RALYL: variants seen among roughly 807,000 people sequenced by gnomAD.
RALYL encodes RALY RNA binding protein like, also known as RNA-binding Raly-like protein.
A neutral mutation model predicts 35.1 loss-of-function variants in RALYL; 29 were observed. The ratio of observed to expected loss-of-function variants is 0.83; its 90% confidence interval spans 0.61 to 1.13. The LOEUF (loss-of-function observed/expected upper bound fraction) is 1.13, where lower values mean the gene tolerates loss of function less well. Ranked by LOEUF, RALYL falls within the 50% of genes most tolerant of loss-of-function variation. RALYL has a pLI of 0.00. For missense variants in RALYL, 359 were observed against 360.4 expected (o/e 1.00, Z 0.03); for synonymous variants, 120 against 127.6 (o/e 0.94, Z 0.40).
chr8:84,813,727 C>CACTT (rs1450999216), intron 4 of RALYL, among the ~76,000 whole-genome samples: 2 of 152,164 alleles, frequency 1.3e-5, no homozygotes, highest in East Asian at 1.9e-4. Context: ...TAGGCTTGGA[C>CACTT]ACTTACAAGC....
At chr8:84,294,867 T>C (rs1839466951) in intron 1 of RALYL, among the ~76,000 whole-genome samples, 1 of 152,000 alleles carries the variant, frequency 6.6e-6, no homozygotes, top group Non-Finnish European at 1.5e-5. Context: ...AGGCATCTTT[T>C]ATGTTTGGCT....
At chr8:84,208,552 A>G (rs1287131010) in intron 1 of RALYL, among the ~76,000 whole-genome samples, 1 of 152,142 alleles carries the variant, frequency 6.6e-6, no homozygotes, top group Non-Finnish European at 1.5e-5. Flanking sequence ...CTTCTCAAGA[A>G]TAGAGAAACT....
chr8:84,671,872 A>G (rs1024180884), intron 2 of RALYL, among the ~76,000 whole-genome samples: 2 of 152,184 alleles, frequency 1.3e-5, no homozygotes, highest in African/African-American at 2.4e-5. Context: ...ACTCCTCATT[A>G]CTATGCAAAT....
At chr8:84,634,506 C>T (rs1387152141) in intron 2 of RALYL, among the ~76,000 whole-genome samples, 1 of 151,858 alleles carries the variant, frequency 6.6e-6, no homozygotes, top group African/African-American at 2.4e-5. Context: ...GAGTTGCTGG[C>T]ATCAAAATAC....
At chr8:84,709,037 C>A (rs149496822) in intron 2 of RALYL, among the ~76,000 whole-genome samples, 211 of 152,206 alleles carry the variant, frequency 1.4e-3, no homozygotes, top group Non-Finnish European at 2.4e-3. Flanking sequence ...GCTTATCGAC[C>A]TTATCCATAT....
intron 2 of RALYL, among the ~76,000 whole-genome samples, chr8:84,758,851 T>C (rs372910775): frequency 1.3e-3 from 202 of 152,348 alleles, no homozygotes; most frequent in African/African-American, 4.5e-3. Flanking sequence ...ATTAATTTTC[T>C]ATTGCTGTTG....
chr8:84,905,567 C>G (rs1846350037), intron 8 of RALYL, among the ~76,000 whole-genome samples: 1 of 152,088 alleles, frequency 6.6e-6, no homozygotes, highest in Admixed American at 6.6e-5. Context: ...TCCAATTTCT[C>G]CACTTATCTT....
At chr8:84,525,953 C>CTTTTTTTTTTTTTTTTTTTTTTTTTTT (rs35794329) in intron 1 of RALYL, among the ~76,000 whole-genome samples, 4 of 104,868 alleles carry the variant, frequency 3.8e-5, no homozygotes, top group African/African-American at 1.5e-4. Context: ...TTTCTTTTTT[C>CTTTTTTTTTTTTTTTTTTTTTTTTTTT]TTTTTTTTTT....
At chr8:84,346,552 T>A (rs1849873057) in intron 1 of RALYL, among the ~76,000 whole-genome samples, 1 of 152,116 alleles carries the variant, frequency 6.6e-6, no homozygotes, top group South Asian at 2.1e-4. Flanking sequence ...AATTGCAACC[T>A]TCGCCTCCTG....
At chr8:84,255,606 A>G (rs1044437400) in intron 1 of RALYL, among the ~76,000 whole-genome samples, 1 of 151,656 alleles carries the variant, frequency 6.6e-6, no homozygotes, top group Non-Finnish European at 1.5e-5. Flanking sequence ...AGAGTCTGAC[A>G]TTTTTTTTAA....
At chr8:84,876,248 C>A (rs966336031) in intron 7 of RALYL, among the ~76,000 whole-genome samples, 3 of 152,142 alleles carry the variant, frequency 2.0e-5, no homozygotes, top group Non-Finnish European at 4.4e-5. Context: ...GGTCTCAAGT[C>A]TTTCAAATGT....
intron 3 of RALYL, among the ~76,000 whole-genome samples, chr8:84,788,177 T>C (rs1489153849): frequency 6.6e-6 from 1 of 152,146 alleles, no homozygotes; most frequent in East Asian, 1.9e-4. Context: ...CTTTAATCCA[T>C]CTTGAGTCAG....
intron 1 of RALYL, among the ~76,000 whole-genome samples, chr8:84,192,476 C>T (rs1400216340): frequency 6.6e-6 from 1 of 151,870 alleles, no homozygotes; most frequent in African/African-American, 2.4e-5. Context: ...TTCATATGGG[C>T]TAGAAAACAG....
chr8:84,241,037 A>G (rs1479606941), intron 1 of RALYL, among the ~76,000 whole-genome samples: 1 of 151,944 alleles, frequency 6.6e-6, no homozygotes, highest in Non-Finnish European at 1.5e-5. Flanking sequence ...GTCATTTCTA[A>G]ATATATATAC....
chr8:84,308,745 C>T (rs1842257229), intron 1 of RALYL, among the ~76,000 whole-genome samples: 2 of 151,868 alleles, frequency 1.3e-5, no homozygotes, highest in Non-Finnish European at 1.5e-5. Context: ...AGAACTAAGA[C>T]AAACATCTGT....
In RALYL at chr8:84,610,387, T is replaced by C. The variant is rs1818045698; in HGVS notation, c.256+80810T>C. On this transcript the variant is annotated intron_variant, in intron 2 of 8. Coordinates refer to ENST00000521268, the MANE Select transcript of RALYL (RefSeq NM_173848.7). ...ATTTTTCTCATGATTAGACTGCAGA[T>C]AGAGTTTTTTGGAAGGAACATCACG... 2.6e-5 allele frequency among the ~76,000 whole-genome samples: 4 copies of C among 152,116 alleles called. No homozygotes were observed. In the South Asian group the frequency reaches 6.2e-4, roughly 24 times the overall value.
At chr8:84,312,709 G>C (rs1476931516) in intron 1 of RALYL, among the ~76,000 whole-genome samples, 1 of 152,248 alleles carries the variant, frequency 6.6e-6, no homozygotes, top group Non-Finnish European at 1.5e-5. Flanking sequence ...GCCTTGGGCA[G>C]GTCTGCCCCT....
intron 2 of RALYL, among the ~76,000 whole-genome samples, chr8:84,750,441 G>T (rs1809697528): frequency 6.6e-6 from 1 of 152,034 alleles, no homozygotes. Context: ...ATGGCCTCTG[G>T]CTCCTGGTTG....
chr8:84,335,519 G>A (rs1847603790), intron 1 of RALYL, among the ~76,000 whole-genome samples: 2 of 152,002 alleles, frequency 1.3e-5, no homozygotes, highest in South Asian at 2.1e-4. Flanking sequence ...AACCTATTGT[G>A]CAAACTGTGG....
Sources: gnomAD v4.1 joint callset for allele counts (sites outside exome capture counted in the v4.1 genomes callset) on GRCh38, gnomAD v4.1.1 for gene constraint, MANE v1.5 for transcripts, NCBI Gene and HGNC (gene_info 2026-07-23, HGNC 2026-07-21) for gene names.